The following VIPR2 variants were observed in gnomAD, a reference collection of about 807,000 sequenced individuals.
The protein encoded by VIPR2 is vasoactive intestinal polypeptide receptor 2.
Under a neutral mutation model 58.0 loss-of-function variants are expected in VIPR2, and 48 were observed. That is an observed-to-expected ratio of 0.83 (90% confidence interval 0.66 to 1.05). VIPR2 has a LOEUF of 1.05. Ranked by LOEUF, VIPR2 falls within the 50% of genes least tolerant of loss-of-function variation. The pLI is 0.00. For synonymous variants in VIPR2, 243 were observed against 235.2 expected (o/e 1.03, Z -0.30); for missense variants, 534 against 558.0 (o/e 0.96, Z 0.43).
intron 3 of VIPR2, among the ~76,000 whole-genome samples, chr7:159,106,588 A>G (rs1183303244): frequency 6.8e-6 from 1 of 146,778 alleles, no homozygotes; most frequent in African/African-American, 2.6e-5. Context: ...GGAGGGGCAC[A>G]GAGAGGCCAG....
intron 5 of VIPR2, among the ~76,000 whole-genome samples, chr7:159,044,472 A>C (rs1854529614): frequency 6.6e-6 from 1 of 152,094 alleles, no homozygotes; most frequent in African/African-American, 2.4e-5. Context: ...GGAAAAATAA[A>C]ATGAATCAAC....
At position 159,101,323 on chromosome 7, in the gene VIPR2, G is replaced by A. The variant is rs530351664; in HGVS notation, c.357+2434C>T. Among the ~76,000 whole-genome samples, 466 of 147,328 alleles carry A rather than the reference G, an allele frequency of 3.2e-3. 1 individual carries two copies. The highest frequency in any genetic ancestry group is 0.011 in the African/African-American group (448 of 39,108). ...GTGAACGGGTCTCACGAGATCCGACGAGGCGGTTCCCCTGACTGTTCCTGT... is the reference window on the plus strand; with the variant it reads ...GTGAACGGGTCTCACGAGATCCGACAAGGCGGTTCCCCTGACTGTTCCTGT... On this transcript the variant is annotated intron_variant, in intron 4 of 12. Coordinates refer to ENST00000262178, the MANE Select transcript of VIPR2 (RefSeq NM_003382.5).
chr7:159,122,866 G>A (rs915189887), intron 2 of VIPR2, among the ~76,000 whole-genome samples: 14 of 152,264 alleles, frequency 9.2e-5, no homozygotes, highest in African/African-American at 3.1e-4. Context: ...TTTAGGTTCT[G>A]GGGTACATGT....
intron 2 of VIPR2, among the ~76,000 whole-genome samples, chr7:159,121,074 T>C (rs1409268179): frequency 6.6e-6 from 1 of 152,114 alleles, no homozygotes; most frequent in East Asian, 1.9e-4. Context: ...GAAACCTGCA[T>C]GGGAAGAGGG....
In VIPR2 at chr7:159,096,367, G is replaced by A. The variant is rs903012348; in HGVS notation, c.357+7390C>T. ...ATCGGCCAGCTCCATGCCCAGAAGC[G>A]CCTGGCGCACCGCTGTGTTTCCTAC... On this transcript the variant is annotated intron_variant, in intron 4 of 12. Coordinates refer to ENST00000262178, the MANE Select transcript of VIPR2 (RefSeq NM_003382.5). The surrounding 1 kb of genome is among the most constrained non-coding windows in gnomAD (Gnocchi z 5.5). Among the ~76,000 whole-genome samples the A allele has an allele frequency of 1.3e-5, 2 of 152,190 alleles. No homozygotes were observed. Among genetic ancestry groups the A allele is most frequent in the Non-Finnish European group, 2.9e-5 (2 of 68,036 alleles).
intron 2 of VIPR2, chr7:159,117,062 A>G (rs1796262038): frequency 2.1e-6 from 1 of 474,276 alleles, no homozygotes; most frequent in African/African-American, 2.0e-5. Flanking sequence ...TTGTCCTCCC[A>G]GCAACTCCCT....
At position 159,031,728 on chromosome 7, in the gene VIPR2, C is replaced by T; in HGVS notation, c.1143+100G>A. 2 of 1,597,868 alleles carry T rather than the reference C, an allele frequency of 1.3e-6. No homozygotes were observed. The highest frequency in any genetic ancestry group is 1.7e-6 in the Non-Finnish European group (2 of 1,174,680). On this transcript the variant is annotated intron_variant, in intron 12 of 12. Transcript: ENST00000262178. This position sits in a 1 kb window ranked among gnomAD's most constrained non-coding sequence, Gnocchi z 4.0. ...GGTCCCGGGCAGTAACTCGAGCCCGCGGAAGACAGGCATGTGTGGGGGCTG... is the reference window on the plus strand; with the variant it reads ...GGTCCCGGGCAGTAACTCGAGCCCGTGGAAGACAGGCATGTGTGGGGGCTG...
At chr7:159,052,701 T>C (rs1041930652) in intron 5 of VIPR2, among the ~76,000 whole-genome samples, 2 of 152,078 alleles carry the variant, frequency 1.3e-5, no homozygotes, top group East Asian at 1.9e-4. Flanking sequence ...ATCAAAACCA[T>C]GTAGGGTTAA....
chr7:159,082,605 A>T (rs1271158375), intron 4 of VIPR2, among the ~76,000 whole-genome samples: 1 of 152,180 alleles, frequency 6.6e-6, no homozygotes, highest in African/African-American at 2.4e-5. Flanking sequence ...GTACCCTAAA[A>T]CTTAAAGTAT....
rs777167573 is a variant in VIPR2 at position 159,034,566 on chromosome 7, A to G, written c.879+15T>C. 3 of 1,610,810 alleles carry G rather than the reference A, an allele frequency of 1.9e-6. No homozygotes were observed. The highest frequency in any genetic ancestry group is 2.5e-6 in the Non-Finnish European group (3 of 1,177,014). ...GATTCCACAGATAATCCACATGTCA[A>G]CAGGGACTACTTACGATGATGGAAA... is the stretch of plus-strand genomic sequence containing the variant. On this transcript the variant is annotated intron_variant, in intron 9 of 12. Transcript: ENST00000262178.
Position 159,097,301 on chromosome 7 carries a change from C to T in VIPR2, c.357+6456G>A. On this transcript the variant is annotated intron_variant, in intron 4 of 12. Transcript: ENST00000262178. This position sits in a 1 kb window ranked among gnomAD's most constrained non-coding sequence, Gnocchi z 5.3. ...TGGCGTAACACGGAAGAAATGTGTG[C>T]ACTTGAAGCATGGGGAGGCCGAAAT... 1 of 1,317,808 alleles carries T rather than the reference C, an allele frequency of 7.6e-7. No homozygotes were observed. Among genetic ancestry groups the T allele is most frequent in the Non-Finnish European group, 9.7e-7 (1 of 1,029,940 alleles). The allele number at this position is 1,317,808 out of a possible 1,614,324, so 81.6% of individuals were successfully genotyped here.
intron 6 of VIPR2, among the ~76,000 whole-genome samples, chr7:159,040,612 A>G (rs1854269063): frequency 6.6e-6 from 1 of 152,198 alleles, no homozygotes; most frequent in Non-Finnish European, 1.5e-5. Context: ...TATCATGAGA[A>G]AAAGACCCTG....
chr7:159,117,902 G>A (rs894774205), intron 2 of VIPR2, among the ~76,000 whole-genome samples: 4 of 152,204 alleles, frequency 2.6e-5, no homozygotes, highest in African/African-American at 7.2e-5. Context: ...ACTGGCCATC[G>A]GCTCGGATGA....
intron 4 of VIPR2, among the ~76,000 whole-genome samples, chr7:159,083,057 A>T (rs146441899): frequency 4.6e-5 from 7 of 152,312 alleles, no homozygotes; most frequent in African/African-American, 1.7e-4. Flanking sequence ...CTAATACTGG[A>T]TCTTGGTGGC....
chr7:159,138,111 C>T (rs1797305155), intron 2 of VIPR2, among the ~76,000 whole-genome samples: 1 of 152,214 alleles, frequency 6.6e-6, no homozygotes, highest in African/African-American at 2.4e-5. Flanking sequence ...CCAGCTCCCG[C>T]AGCAGAGGGC....
chr7:159,130,899 C>T (rs1438550956), intron 2 of VIPR2, among the ~76,000 whole-genome samples: 1 of 152,184 alleles, frequency 6.6e-6, no homozygotes, highest in Non-Finnish European at 1.5e-5. Context: ...TTGAAATTAA[C>T]TGTTAATTCT....
At chr7:159,067,121 C>G (rs566497071) in intron 4 of VIPR2, among the ~76,000 whole-genome samples, 1 of 152,358 alleles carries the variant, frequency 6.6e-6, no homozygotes, top group Admixed American at 6.5e-5. Flanking sequence ...GGCTGCCACA[C>G]TCGACAAAGC....
intron 4 of VIPR2, among the ~76,000 whole-genome samples, chr7:159,085,280 G>C (rs1056978457): frequency 6.6e-6 from 1 of 152,164 alleles, no homozygotes; most frequent in African/African-American, 2.4e-5. Flanking sequence ...CCACAACACG[G>C]ATGAGGCGGG....
intron 2 of VIPR2, among the ~76,000 whole-genome samples, chr7:159,121,228 G>A (rs772736593): frequency 1.4e-5 from 2 of 139,062 alleles, no homozygotes; most frequent in Admixed American, 7.3e-5. Flanking sequence ...CTCCTTCCTC[G>A]TCGTGCGGGG....
Sources: allele counts gnomAD v4.1 joint callset (sites outside exome capture counted in the v4.1 genomes callset), GRCh38; gene constraint gnomAD v4.1.1; non-coding constraint Gnocchi (gnomAD v3.1); transcripts MANE v1.5; gene names NCBI Gene and HGNC (gene_info 2026-07-23, HGNC 2026-07-21).